ABHD8: variants seen among roughly 807,000 people sequenced by gnomAD.
The protein encoded by ABHD8 is protein ABHD8.
A neutral mutation model predicts 29.3 loss-of-function variants in ABHD8; 10 were observed. The observed-to-expected ratio is 0.34, with a 90% CI of 0.21 to 0.58. The LOEUF (loss-of-function observed/expected upper bound fraction) is 0.58. ABHD8 is among the 20% of genes least tolerant of loss of function. The pLI is 0.85. For missense variants in ABHD8, 556 were observed against 615.3 expected, an observed-to-expected ratio of 0.90 and a Z score of 1.02; for synonymous variants, 282 against 274.6, an observed-to-expected ratio of 1.03 and a Z score of -0.27.
At chr19:17,300,107 T>C in intron 2 of ABHD8, among the ~76,000 whole-genome samples, 1 of 151,956 alleles carries the variant, frequency 6.6e-6, no homozygotes, top group Admixed American at 6.6e-5. Context: ...GGTTTCACCG[T>C]GTTAGCCAGG....
At chr19:17,294,193 C>T in intron 4 of ABHD8, 95 bp downstream of exon 4, 1 of 1,435,072 alleles carries the variant, frequency 7.0e-7, no homozygotes. Flanking sequence ...AAAGCACGCC[C>T]ACCAAGCGCT....
In ABHD8 at chr19:17,292,814, G is replaced by C. The variant is rs2074077085; in HGVS notation, c.1167C>G (p.Phe389Leu). 1 of 1,612,740 alleles carries C rather than the reference G, an allele frequency of 6.2e-7. No individual in the cohort carries two copies. The highest frequency in any genetic ancestry group is 8.5e-7 in the Non-Finnish European group (1 of 1,179,394). Reference sequence around the variant, plus strand: ...GGCTGCCCTCGTCGATGAGCTTCAGGAATGCCAGGAGCAGGATCTGCAGAA... The same window carrying C: ...GGCTGCCCTCGTCGATGAGCTTCAGCAATGCCAGGAGCAGGATCTGCAGAA... ...QRMAEILLLA[F>L]LKLIDEGSHM... Residue 389 changes from phenylalanine (F) to leucine (L), a missense_variant, in exon 5 of 5, where the codon TTC becomes TTG. Coordinates refer to ENST00000247706, the MANE Select transcript of ABHD8 (RefSeq NM_024527.5).
intron 2 of ABHD8, chr19:17,297,904 A>ATTTTTT (rs1424172538): frequency 7.7e-6 from 1 of 129,384 alleles, no homozygotes; most frequent in Non-Finnish European, 1.6e-5. Flanking sequence ...CCACTTATTT[A>ATTTTTT]TTTTTCTTTT....
chr19:17,300,184 G>A (rs1312496955), intron 2 of ABHD8, among the ~76,000 whole-genome samples: 2 of 151,952 alleles, frequency 1.3e-5, no homozygotes, highest in East Asian at 3.9e-4. Flanking sequence ...GATTACAGGC[G>A]TGAGCCACCG....
In ABHD8 at chr19:17,292,361, C is replaced by T. The variant is rs889998234; in HGVS notation, c.*300G>A. 8 of 434,020 alleles carry T rather than the reference C, an allele frequency of 1.8e-5. No homozygotes were observed. The highest frequency in any genetic ancestry group is 1.7e-4 in the African/African-American group (8 of 48,484). 26.9% of individuals were successfully genotyped at this position (434,020 alleles called of 1,614,324 possible). ...CAGCGGGGTGGGGGGCCTGCCTTGG[C>T]CGTGGCGTTGGGGGGAAGGTGAGGG... On this transcript the variant is annotated 3_prime_UTR_variant, in exon 5 of 5. Coordinates refer to ENST00000247706, the MANE Select transcript of ABHD8 (RefSeq NM_024527.5).
chr19:17,300,406 T>C (rs1455913621), intron 2 of ABHD8, among the ~76,000 whole-genome samples: 1 of 151,982 alleles, frequency 6.6e-6, no homozygotes, highest in African/African-American at 2.4e-5. Context: ...GGGTTCTCCC[T>C]ATGTTGCCCA....
rs758982389 is a variant in ABHD8 at position 17,301,155 on chromosome 19, GGGGC to G, written c.458_461del (p.Arg153ProfsTer48). On this transcript the variant is annotated frameshift_variant, in exon 2 of 5. Coordinates refer to ENST00000247706, the MANE Select transcript of ABHD8 (RefSeq NM_024527.5). LOFTEE classifies it high-confidence loss of function. Reference sequence around the variant, plus strand: ...CACAGTCAATATGGATGGTCCTCTTGGGGCGCCTGGCTCGCCGCCGCCGCCCACC... The same window carrying G: ...CACAGTCAATATGGATGGTCCTCTTGGCCTGGCTCGCCGCCGCCGCCCACC... 1 of 1,611,290 alleles carries G rather than the reference GGGGC, an allele frequency of 6.2e-7. No homozygotes were observed. The highest frequency in any genetic ancestry group is 1.3e-5 in the African/African-American group (1 of 74,918).
In ABHD8 at chr19:17,299,393, G is replaced by C. The variant is rs184139190; in HGVS notation, c.761+1463C>G. Among the ~76,000 whole-genome samples, 1,041 of 151,766 alleles carry C rather than the reference G, an allele frequency of 6.9e-3. 3 individuals are homozygous for C. Among genetic ancestry groups the C allele is most frequent in the Middle Eastern group, 0.017 (5 of 294 alleles). Reference sequence around the variant, plus strand: ...TGGCTAACACGGTGAAACCCCGTCTGTACTAAAAAGACAAAAAATTAGCCA... The same window carrying C: ...TGGCTAACACGGTGAAACCCCGTCTCTACTAAAAAGACAAAAAATTAGCCA... On this transcript the variant is annotated intron_variant, in intron 2 of 4. Coordinates refer to ENST00000247706, the MANE Select transcript of ABHD8 (RefSeq NM_024527.5).
At chr19:17,300,264 G>A (rs773660591) in intron 2 of ABHD8, among the ~76,000 whole-genome samples, 1 of 151,552 alleles carries the variant, frequency 6.6e-6, no homozygotes, top group Non-Finnish European at 1.5e-5. Context: ...GGAGTGCAGT[G>A]GTGTGATCAC....
Position 17,294,490 on chromosome 19 carries a change from C to G in ABHD8, c.947G>C (p.Arg316Pro). Residue 316 changes from arginine (R) to proline (P), a missense_variant, in exon 4 of 5, where the codon CGC becomes CCC. This residue lies in a region of ABHD8 where 270 missense variants were observed against 353.9 expected (regional missense o/e 0.76). Transcript: ENST00000247706. Reference protein sequence around the residue: ...AWSFLKAGFARQGAKEKQLLK... With the variant: ...AWSFLKAGFAPQGAKEKQLLK... ...CAGCTGCTTCTCCTTGGCTCCTTGG[C>G]GGGCGAAGCCGGCCCTGGTGGTGGT... The G allele has an allele frequency of 6.2e-7, 1 of 1,613,910 alleles. No homozygotes were observed. The highest frequency in any genetic ancestry group is 8.5e-7 in the Non-Finnish European group (1 of 1,180,004).
intron 2 of ABHD8, chr19:17,298,497 T>C (rs2074102971): frequency 6.6e-6 from 1 of 152,160 alleles, no homozygotes; most frequent in Non-Finnish European, 1.5e-5. Flanking sequence ...CACAGTGTTC[T>C]CCAGGGCAGT....
chr19:17,294,187 C>T, intron 4 of ABHD8, 101 bp downstream of exon 4: 7 of 1,402,388 alleles, frequency 5.0e-6, no homozygotes, highest in Admixed American at 2.3e-5. Flanking sequence ...GGGAAGAAAG[C>T]ACGCCCACCA....
chr19:17,301,095 G>A lies in ABHD8; in HGVS notation c.522C>T (p.Ala174=), dbSNP rs747666959. ...CATGGATGAAAAAGAGCACCACGTC[G>A]GCCTGGGCGCCTTTGCAGCTAGTGA... ...KRITSCKGAQ[A]DVVLFFIHGV... The change falls in exon 2 of 5, where the codon GCC becomes GCT. Residue 174 remains alanine (A), a synonymous_variant. Coordinates refer to ENST00000247706, the MANE Select transcript of ABHD8 (RefSeq NM_024527.5). The A allele has an allele frequency of 7.4e-6, 12 of 1,613,282 alleles. No homozygotes were observed. In the Admixed American group the frequency reaches 8.3e-5, roughly 11 times the overall value.
In ABHD8 at chr19:17,301,195, C is replaced by G. The variant is rs1309594251; in HGVS notation, c.422G>C (p.Gly141Ala). 1 of 1,602,618 alleles carries G rather than the reference C, an allele frequency of 6.2e-7. No homozygotes were observed. The highest frequency in any genetic ancestry group is 1.7e-4 in the Middle Eastern group (1 of 6,020). Residue 141 changes from glycine (G) to alanine (A), a missense_variant, in exon 2 of 5, where the codon GGC (glycine) becomes GCC (alanine). Transcript: ENST00000247706. ...CCGCCGCCGCCCACCACTGCCACTGCCGCTGCCGCTGCCTGCGCTGCCGGG... is the reference window on the plus strand; with the variant it reads ...CCGCCGCCGCCCACCACTGCCACTGGCGCTGCCGCTGCCTGCGCTGCCGGG... ...LAPGSAGSGSGSGSGGRRRRA... is the reference protein window; with the variant it reads ...LAPGSAGSGSASGSGGRRRRA...
chr19:17,292,865 G>A (rs748673611), intron 4 of ABHD8, 34 bp from the exon 5 acceptor site: 6 of 1,596,260 alleles, frequency 3.8e-6, no homozygotes, highest in Non-Finnish European at 5.1e-6. Context: ...GTAGGCGGGG[G>A]CAAGAGGGTG....
chr19:17,300,577 A>C (rs2074112742), intron 2 of ABHD8, among the ~76,000 whole-genome samples: 1 of 151,978 alleles, frequency 6.6e-6, no homozygotes, highest in Non-Finnish European at 1.5e-5. Context: ...TCCTCGGTTC[A>C]AGTGATTCCT....
chr19:17,295,183 G>T (rs1182725171), intron 2 of ABHD8, among the ~76,000 whole-genome samples: 3 of 137,584 alleles, frequency 2.2e-5, no homozygotes, highest in Non-Finnish European at 1.5e-5. Flanking sequence ...TCGGCTCACT[G>T]CAAGCTCCGC....
intron 2 of ABHD8, among the ~76,000 whole-genome samples, chr19:17,300,001 C>T (rs7359871): frequency 0.71 from 106,981 of 150,924 alleles, 39,256 homozygotes; most frequent in African/African-American, 0.85. Flanking sequence ...GTCTCCCGTG[C>T]TCATGCCATT....
chr19:17,299,904 C>CT lies in ABHD8; in HGVS notation c.761+951dup, dbSNP rs35667706. On this transcript the variant is annotated intron_variant, in intron 2 of 4. Coordinates refer to ENST00000247706, the MANE Select transcript of ABHD8 (RefSeq NM_024527.5). The stretch of plus-strand genomic sequence containing the variant: ...TGTGCACCACCGCGCGTGGTGGCCC[C>CT]TTTTTTTTTTTTCATGACGGAGTCT... Among the ~76,000 whole-genome samples, 1,133 of 140,176 alleles carry CT rather than the reference C, an allele frequency of 8.1e-3. 11 individuals are homozygous for CT. The highest frequency in any genetic ancestry group is 0.028 in the African/African-American group (1,015 of 36,768). 92.0% of individuals were successfully genotyped at this position (140,176 alleles called of 152,430 possible).
Sources: gnomAD v4.1 joint callset for allele counts (sites outside exome capture counted in the v4.1 genomes callset) on GRCh38, gnomAD v4.1.1 for gene constraint, gnomAD v4.1.1 regional missense constraint, MANE v1.5 for transcripts, NCBI Gene and HGNC (gene_info 2026-07-23, HGNC 2026-07-21) for gene names.